Variants in GLB1L3 observed in about 807,000 individuals in gnomAD.
The protein encoded by GLB1L3 is galactosidase beta 1 like 3.
Under a neutral mutation model 89.5 loss-of-function variants are expected in GLB1L3, and 89 were observed. The ratio of observed to expected loss-of-function variants is 0.99; its 90% CI spans 0.84 to 1.19. The LOEUF is 1.19. Ranked by LOEUF, GLB1L3 falls within the 50% of genes most tolerant of loss-of-function variation. The pLI is 0.00. For missense variants in GLB1L3, 812 were observed against 813.3 expected (o/e 1.00, Z 0.02); for synonymous variants, 314 against 312.3 (o/e 1.01, Z -0.06).
chr11:134,318,204 C>T (rs564045127), intron 18 of GLB1L3, among the ~76,000 whole-genome samples: 2 of 152,182 alleles, frequency 1.3e-5, no homozygotes, highest in East Asian at 3.9e-4. Context: ...GAAAAACTGC[C>T]TAGATGTCTC....
intron 9 of GLB1L3, among the ~76,000 whole-genome samples, chr11:134,294,412 G>A (rs1420861975): frequency 2.0e-5 from 3 of 152,196 alleles, no homozygotes; most frequent in African/African-American, 7.2e-5. Flanking sequence ...AAAGGCAGGG[G>A]CCCTGCCAGG....
At chr11:134,301,777 G>C (rs1479842010) in intron 9 of GLB1L3, among the ~76,000 whole-genome samples, 1 of 151,872 alleles carries the variant, frequency 6.6e-6, no homozygotes, top group Non-Finnish European at 1.5e-5. Flanking sequence ...TTTATATTTG[G>C]TATATTTGAT....
Position 134,302,057 on chromosome 11 carries a change from C to T in GLB1L3, c.877-5067C>T, listed in dbSNP as rs193092911. ...GAAGCTTAAAGTGGCTTCTCGCTGG[C>T]CTGCTGGCAGCACCTTCCACCTGGC... is the stretch of plus-strand genomic sequence containing the variant. On this transcript the variant is annotated intron_variant, in intron 9 of 19. Coordinates refer to ENST00000431683, the MANE Select transcript of GLB1L3 (RefSeq NM_001080407.3). 1.2e-3 allele frequency among the ~76,000 whole-genome samples: 181 copies of T among 152,240 alleles called. 1 individual carries two copies. The highest frequency in any genetic ancestry group is 2.1e-3 in the Admixed American group (32 of 15,304).
At chr11:134,303,583 G>A (rs532029489) in intron 9 of GLB1L3, among the ~76,000 whole-genome samples, 5 of 152,236 alleles carry the variant, frequency 3.3e-5, no homozygotes, top group Admixed American at 6.5e-5. Flanking sequence ...TCTGCTCTCC[G>A]CCTGGATTGT....
chr11:134,300,843 T>A (rs188953591), intron 9 of GLB1L3, among the ~76,000 whole-genome samples: 1 of 152,190 alleles, frequency 6.6e-6, no homozygotes, highest in Non-Finnish European at 1.5e-5. Context: ...TTTACCTAAT[T>A]ACCTCTTTAA....
intron 8 of GLB1L3, chr11:134,292,917 A>G: frequency 1.7e-6 from 1 of 604,980 alleles, no homozygotes; most frequent in Non-Finnish European, 3.0e-6. Context: ...ACTTCTCTGC[A>G]CAGAGTGTGG....
intron 9 of GLB1L3, among the ~76,000 whole-genome samples, chr11:134,303,829 T>C (rs1473838998): frequency 6.6e-6 from 1 of 152,160 alleles, no homozygotes; most frequent in South Asian, 2.1e-4. Flanking sequence ...CATGCTTTAG[T>C]GATGTCTGTT....
At chr11:134,313,600 G>A (rs1389337951) in intron 16 of GLB1L3, 126 bp downstream of exon 16, 9 of 825,962 alleles carry the variant, frequency 1.1e-5, no homozygotes, top group African/African-American at 1.7e-5. Flanking sequence ...GGCCCTGGGA[G>A]CAGAGATGCA....
intron 18 of GLB1L3, among the ~76,000 whole-genome samples, chr11:134,316,025 T>C (rs1453999430): frequency 6.6e-6 from 1 of 152,210 alleles, no homozygotes; most frequent in Non-Finnish European, 1.5e-5. Context: ...AAGTGAACGA[T>C]TAAGTAGTCT....
At chr11:134,298,262 C>T (rs1010718501) in intron 9 of GLB1L3, among the ~76,000 whole-genome samples, 6 of 152,138 alleles carry the variant, frequency 3.9e-5, no homozygotes, top group East Asian at 1.9e-4. Context: ...AATAATTCTA[C>T]ACGATATGTT....
rs368396885 is a variant in GLB1L3, at chr11:134,312,791, T to C, written c.1429-25T>C. ...CCCTTTCTTCGGGTGGGCCTAGCAG[T>C]CTGACGCCGGCTCTTCTTTTGCAGG... On this transcript the variant is annotated intron_variant, in intron 14 of 19. Transcript: ENST00000431683. The C allele has an allele frequency of 1.4e-5, 22 of 1,593,306 alleles. No individual in the cohort carries two copies. The Middle Eastern group carries it at 5.0e-4, about 36-fold the overall frequency.
chr11:134,314,015 A>C lies in GLB1L3; in HGVS notation c.1654A>C (p.Ser552Arg). The change falls in exon 17 of 20, where the codon AGC becomes CGC. Residue 552 changes from serine (S) to arginine (R), a missense_variant. Ser to Arg is a moderately radical substitution (Grantham distance 110, BLOSUM62 -1). Transcript: ENST00000431683. ...CATCTATTCCCTGGAGATGAAAATGAGCTTCTTTGAGAGGTATGCTCCAGC... is the reference window on the plus strand; with the variant it reads ...CATCTATTCCCTGGAGATGAAAATGCGCTTCTTTGAGAGGTATGCTCCAGC... ...FTIYSLEMKM[S>R]FFERLRSATW... The C allele has an allele frequency of 2.3e-5, 37 of 1,609,484 alleles. No homozygotes were observed. The highest frequency in any genetic ancestry group is 3.0e-5 in the Non-Finnish European group (35 of 1,176,384).
At chr11:134,314,585 T>C in intron 18 of GLB1L3, 144 bp downstream of exon 18, 1 of 666,702 alleles carries the variant, frequency 1.5e-6, no homozygotes. Context: ...CCTTCCAACA[T>C]TGATCAGTCT....
downstream of GLB1L3, among the ~76,000 whole-genome samples, chr11:134,322,136 C>T (rs1943176337): frequency 6.6e-6 from 1 of 152,104 alleles, no homozygotes; most frequent in Non-Finnish European, 1.5e-5. Flanking sequence ...ATATGCTATG[C>T]AAATTCTAAC....
intron 1 of GLB1L3, 200 bp from the exon 2 acceptor site, chr11:134,277,126 C>A: frequency 1.5e-6 from 1 of 686,978 alleles, no homozygotes; most frequent in East Asian, 2.6e-5. Context: ...CGTCTGTCCC[C>A]GGCCTTCATC....
At chr11:134,283,184 T>C (rs1277892729) in intron 5 of GLB1L3, among the ~76,000 whole-genome samples, 1 of 152,060 alleles carries the variant, frequency 6.6e-6, no homozygotes, top group East Asian at 1.9e-4. Flanking sequence ...TGCCTCAGCC[T>C]CCTGAGTAGC....
At chr11:134,320,427 T>C (rs1943151143), downstream of GLB1L3, among the ~76,000 whole-genome samples, 1 of 152,170 alleles carries the variant, frequency 6.6e-6, no homozygotes, top group South Asian at 2.1e-4. Flanking sequence ...GAAGCAGAAC[T>C]AATAATCATA....
At chr11:134,291,408 C>T (rs1236132252) in intron 7 of GLB1L3, among the ~76,000 whole-genome samples, 2 of 151,838 alleles carry the variant, frequency 1.3e-5, no homozygotes, top group Non-Finnish European at 2.9e-5. Flanking sequence ...TACAGGTATG[C>T]GCCACCACAC....
At chr11:134,310,402 G>A in intron 11 of GLB1L3, 169 bp from the exon 12 acceptor site, 2 of 593,612 alleles carry the variant, frequency 3.4e-6, no homozygotes, top group Non-Finnish European at 6.0e-6. Flanking sequence ...AGGTGCCCAG[G>A]AAGAGTTGTG....
Sources: allele counts gnomAD v4.1 joint callset (sites outside exome capture counted in the v4.1 genomes callset), GRCh38; gene constraint gnomAD v4.1.1; transcripts MANE v1.5; gene names NCBI Gene and HGNC (gene_info 2026-07-23, HGNC 2026-07-21).